Variants in DPH6 observed in about 807,000 individuals in gnomAD.
The protein encoded by DPH6 is diphthamine biosynthesis 6, also known as diphthine--ammonia ligase.
In DPH6, 33 loss-of-function variants were observed where a neutral mutation model predicts 38.2. The observed-to-expected ratio is 0.86, with a 90% CI of 0.65 to 1.15. The LOEUF is 1.15. DPH6 is among the 50% of genes most tolerant of loss of function. The pLI, the probability that DPH6 is intolerant of heterozygous loss-of-function variation, is 0.00. For missense variants in DPH6, 325 were observed against 320.0 expected (o/e 1.02, Z -0.12); for synonymous variants, 108 against 103.0 (o/e 1.05, Z -0.30).
chr15:35,251,934 T>C (rs943701556), intron 3 of DPH6, among the ~76,000 whole-genome samples: 1 of 151,824 alleles, frequency 6.6e-6, no homozygotes, highest in Non-Finnish European at 1.5e-5. Flanking sequence ...AGGTCAGGGG[T>C]TCAAGACCAG....
At chr15:35,147,949 T>C in the DPH6 span, among the ~76,000 whole-genome samples, 1 of 152,234 alleles carries the variant, frequency 6.6e-6, no homozygotes, top group Non-Finnish European at 1.5e-5. Flanking sequence ...CAAGACCATT[T>C]GACAGCTCTG....
rs191556868 is a variant in DPH6, at chr15:35,291,009, T to C, written n.201-70427A>G. ...GTTGCTTACCTAGGCTCCAAAACCA[T>C]TAGCCAAAAACTAACCTAACATTCA... On this transcript the variant is annotated intron_variant and non_coding_transcript_variant, in intron 3 of 3. Coordinates refer to the DPH6 transcript ENST00000560386. Among the ~76,000 whole-genome samples, 425 of 151,636 alleles carry C rather than the reference T, an allele frequency of 2.8e-3. 1 individual carries two copies. Among genetic ancestry groups the C allele is most frequent in the African/African-American group, 9.7e-3 (401 of 41,410 alleles).
At chr15:35,203,916 T>C in the DPH6 span, among the ~76,000 whole-genome samples, 1 of 151,720 alleles carries the variant, frequency 6.6e-6, no homozygotes, top group Non-Finnish European at 1.5e-5. Flanking sequence ...TGTCAGGCTC[T>C]TCAGTAGTCT....
intron 3 of DPH6, among the ~76,000 whole-genome samples, chr15:35,307,273 CTG>C (rs901988192): frequency 6.6e-5 from 10 of 152,186 alleles, no homozygotes; most frequent in African/African-American, 2.4e-4. Flanking sequence ...ATCTCTCACT[CTG>C]TATTGGGCAC....
chr15:35,273,319 C>G (rs2051835667), intron 3 of DPH6, among the ~76,000 whole-genome samples: 1 of 151,984 alleles, frequency 6.6e-6, no homozygotes, highest in Non-Finnish European at 1.5e-5. Flanking sequence ...TTCCTGAGTC[C>G]CTCACCCTTT....
At chr15:35,249,438 A>G (rs2051656940) in intron 3 of DPH6, among the ~76,000 whole-genome samples, 1 of 152,216 alleles carries the variant, frequency 6.6e-6, no homozygotes, top group Non-Finnish European at 1.5e-5. Context: ...AAAAATAAAA[A>G]GAAATATTAC....
intron 5 of DPH6, among the ~76,000 whole-genome samples, chr15:35,433,931 G>C (rs1355289364): frequency 6.6e-6 from 1 of 152,116 alleles, no homozygotes; most frequent in African/African-American, 2.4e-5. Context: ...GTCTGTGGAA[G>C]AGAAAAGAGA....
intron 3 of DPH6, among the ~76,000 whole-genome samples, chr15:35,265,062 C>CT (rs1392251183): frequency 6.6e-6 from 1 of 152,080 alleles, no homozygotes; most frequent in Non-Finnish European, 1.5e-5. Context: ...GCCATGCTGT[C>CT]TATAGTCCAT....
At chr15:35,251,384 G>A (rs1158466830) in intron 3 of DPH6, among the ~76,000 whole-genome samples, 1 of 152,078 alleles carries the variant, frequency 6.6e-6, no homozygotes, top group East Asian at 1.9e-4. Context: ...TAATCCCACT[G>A]TTTTCCTGCT....
At chr15:35,446,229 CTTTTT>C (rs71123132) in intron 5 of DPH6, among the ~76,000 whole-genome samples, 1 of 95,024 alleles carries the variant, frequency 1.1e-5, no homozygotes, top group Non-Finnish European at 2.1e-5. Flanking sequence ...TTTTTTTTTC[CTTTTT>C]TTTTTTTTTT....
intron 3 of DPH6, among the ~76,000 whole-genome samples, chr15:35,305,248 G>C (rs2052080419): frequency 6.6e-6 from 1 of 151,836 alleles, no homozygotes; most frequent in African/African-American, 2.4e-5. Context: ...TCTTTTCTAG[G>C]GTGTGTTTTG....
chr15:35,539,057 T>C (rs1040980315), intron 2 of DPH6, among the ~76,000 whole-genome samples: 3 of 152,020 alleles, frequency 2.0e-5, no homozygotes, highest in African/African-American at 7.2e-5. Flanking sequence ...TATGATATCT[T>C]AAGCTAATCA....
chr15:35,293,994 A>G (rs551719770), intron 3 of DPH6, among the ~76,000 whole-genome samples: 40 of 152,340 alleles, frequency 2.6e-4, no homozygotes, highest in African/African-American at 9.6e-4. Context: ...CTCAGTAGGG[A>G]GAGAGCTTCA....
chr15:35,226,989 T>A (rs569356725), intron 3 of DPH6, among the ~76,000 whole-genome samples: 116 of 152,136 alleles, frequency 7.6e-4, no homozygotes, highest in African/African-American at 2.7e-3. Context: ...TTCATTATGG[T>A]TTTCATCTTG....
intron 5 of DPH6, among the ~76,000 whole-genome samples, chr15:35,424,533 G>A (rs573698056): frequency 2.7e-5 from 4 of 150,642 alleles, no homozygotes; most frequent in Non-Finnish European, 5.9e-5. Context: ...TTTCTAATTT[G>A]AATGTCTTTT....
intron 3 of DPH6, among the ~76,000 whole-genome samples, chr15:35,344,043 T>C (rs930830443): frequency 6.6e-6 from 1 of 152,008 alleles, no homozygotes; most frequent in Non-Finnish European, 1.5e-5. Flanking sequence ...CAGTTATGTG[T>C]TTTTAAGGCA....
the DPH6 span, among the ~76,000 whole-genome samples, chr15:35,209,328 TAA>T: frequency 1.3e-5 from 2 of 152,168 alleles, no homozygotes; most frequent in African/African-American, 4.8e-5. Flanking sequence ...TTGTTTAACT[TAA>T]AAGTCTTACT....
chr15:35,338,860 T>G (rs1248621244), intron 3 of DPH6, among the ~76,000 whole-genome samples: 2 of 152,218 alleles, frequency 1.3e-5, no homozygotes, highest in East Asian at 3.9e-4. Flanking sequence ...CCATAAAAAA[T>G]GATGAGTTCA....
chr15:35,406,935 G>C (rs1016638057), intron 6 of DPH6, among the ~76,000 whole-genome samples: 20 of 151,978 alleles, frequency 1.3e-4, no homozygotes, highest in Admixed American at 3.3e-4. Context: ...GATCACCACA[G>C]GAGGAAGGCT....
Sources: gnomAD v4.1 joint callset for allele counts (sites outside exome capture counted in the v4.1 genomes callset) on GRCh38, gnomAD v4.1.1 for gene constraint, MANE v1.5 for transcripts, NCBI Gene and HGNC (gene_info 2026-07-23, HGNC 2026-07-21) for gene names.